EIF4E2: variants seen among roughly 807,000 people sequenced by gnomAD.
The protein encoded by EIF4E2 is eukaryotic translation initiation factor 4E type 2.
A neutral mutation model predicts 34.2 loss-of-function variants in EIF4E2; 13 were observed. The ratio of observed to expected loss-of-function variants is 0.38; its 90% CI spans 0.25 to 0.60. The LOEUF (loss-of-function observed/expected upper bound fraction) is 0.60, where lower values mean the gene tolerates loss of function less well. Among genes scored for constraint, EIF4E2 ranks in the 20% least tolerant of loss-of-function variants. The pLI, the probability that EIF4E2 is intolerant of heterozygous loss-of-function variation, is 0.62. For synonymous variants in EIF4E2, 100 were observed against 106.6 expected, an observed-to-expected ratio of 0.94 and a Z score of 0.38; for missense variants, 222 against 315.1, an observed-to-expected ratio of 0.70 and a Z score of 2.24.
At chr2:232,559,562 A>G (rs545594848) in intron 3 of EIF4E2, among the ~76,000 whole-genome samples, 1 of 152,214 alleles carries the variant, frequency 6.6e-6, no homozygotes, top group Non-Finnish European at 1.5e-5. Flanking sequence ...ATTTCCTTCC[A>G]ACATTATGAT....
chr2:232,557,744 C>G (rs1322103684), intron 2 of EIF4E2, 140 bp from the exon 3 acceptor site: 4 of 960,678 alleles, frequency 4.2e-6, no homozygotes, highest in African/African-American at 3.3e-5. Context: ...TAAGCAGAAT[C>G]TTTGGCACAT....
intron 3 of EIF4E2, among the ~76,000 whole-genome samples, chr2:232,559,568 A>G (rs1692648057): frequency 6.6e-6 from 1 of 152,196 alleles, no homozygotes; most frequent in African/African-American, 2.4e-5. Flanking sequence ...TTCCAACATT[A>G]TGATAGCCCT....
chr2:232,563,668 T>C (rs915663080), intron 3 of EIF4E2, among the ~76,000 whole-genome samples: 14 of 152,114 alleles, frequency 9.2e-5, no homozygotes, highest in Admixed American at 3.9e-4. Context: ...GTTGATTCTA[T>C]CACTTACGCT....
At chr2:232,556,962 G>A (rs1692544740) in intron 2 of EIF4E2, among the ~76,000 whole-genome samples, 2 of 152,098 alleles carry the variant, frequency 1.3e-5, no homozygotes, top group Non-Finnish European at 2.9e-5. Context: ...AAATATCAAA[G>A]CAGGCTGGGT....
downstream of EIF4E2, chr2:232,573,809 T>C: frequency 1.2e-5 from 4 of 336,762 alleles, no homozygotes; most frequent in South Asian, 9.5e-5. Context: ...TCTTTAGACA[T>C]CATAATGCTG....
At chr2:232,576,443 C>A (rs1693219838) in intron 6 of EIF4E2, among the ~76,000 whole-genome samples, 1 of 152,130 alleles carries the variant, frequency 6.6e-6, no homozygotes, top group African/African-American at 2.4e-5. Context: ...CTTTGAATTG[C>A]CGTAAAAAGT....
chr2:232,564,101 C>A (rs907378574), intron 3 of EIF4E2, 146 bp from the exon 4 acceptor site: 2 of 452,802 alleles, frequency 4.4e-6, no homozygotes, highest in Non-Finnish European at 4.0e-6. Context: ...CTCACAACAC[C>A]ACACATGAAA....
intron 4 of EIF4E2, among the ~76,000 whole-genome samples, chr2:232,564,748 G>A (rs1221281925): frequency 2.0e-5 from 3 of 152,368 alleles, no homozygotes; most frequent in Non-Finnish European, 4.4e-5. Flanking sequence ...ACCGTGCCCA[G>A]CTGGTTAAAA....
intron 6 of EIF4E2, among the ~76,000 whole-genome samples, chr2:232,578,473 A>T (rs1482263672): frequency 3.9e-5 from 6 of 152,116 alleles, no homozygotes; most frequent in African/African-American, 1.4e-4. Flanking sequence ...TCTACTAAAA[A>T]TACAAAAATT....
intron 3 of EIF4E2, among the ~76,000 whole-genome samples, chr2:232,559,386 G>A (rs1190436): frequency 0.3 from 44,096 of 148,274 alleles, 7,087 homozygotes; most frequent in Admixed American, 0.4. Flanking sequence ...TAACAATCAC[G>A]GTTTTCTCCA....
At chr2:232,572,473 C>T (rs1158520431), downstream of EIF4E2, among the ~76,000 whole-genome samples, 1 of 152,172 alleles carries the variant, frequency 6.6e-6, no homozygotes, top group Non-Finnish European at 1.5e-5. Flanking sequence ...TCAAGCGATT[C>T]TCTTGCCTCA....
chr2:232,563,151 C>G (rs898444331), intron 3 of EIF4E2, among the ~76,000 whole-genome samples: 2 of 152,288 alleles, frequency 1.3e-5, no homozygotes, highest in Non-Finnish European at 1.5e-5. Context: ...TAGCAGATAC[C>G]AGCTATTTCT....
Position 232,550,711 on chromosome 2 carries a change from G to T in EIF4E2, c.-14G>T, listed in dbSNP as rs1424661364. On this transcript the variant is annotated 5_prime_UTR_variant, in exon 1 of 7. Transcript: ENST00000258416. ...GTCACTCCCTGAGGCAGTGGCGACA[G>T]CGGCGGCGAGAGGATGAACAACAAG... 1 of 1,584,452 alleles carries T rather than the reference G, an allele frequency of 6.3e-7. No individual in the cohort carries two copies. Among genetic ancestry groups the T allele is most frequent in the Non-Finnish European group, 8.6e-7 (1 of 1,167,140 alleles).
intron 6 of EIF4E2, among the ~76,000 whole-genome samples, chr2:232,575,504 A>G (rs1323471272): frequency 1.3e-5 from 2 of 152,206 alleles, no homozygotes; most frequent in Admixed American, 6.5e-5. Context: ...GCACACGCCT[A>G]TTGTCCCAGC....
chr2:232,578,717 T>C (rs546270185), intron 6 of EIF4E2, among the ~76,000 whole-genome samples: 25 of 152,226 alleles, frequency 1.6e-4, no homozygotes, highest in African/African-American at 6.0e-4. Flanking sequence ...CCTAGTACAA[T>C]AGAGAAATTC....
chr2:232,566,477 A>G lies in EIF4E2; in HGVS notation c.376-352A>G, dbSNP rs972682139. 3.9e-5 allele frequency among the ~76,000 whole-genome samples: 6 copies of G among 152,254 alleles called. No individual in the cohort carries two copies. Among genetic ancestry groups the G allele is most frequent in the Admixed American group, 2.0e-4 (3 of 15,290 alleles). ...AGTGTTGGGATTACGGGCGTGAGCC[A>G]CTGCGCCCAGCAGACATTCAGTACT... is the stretch of plus-strand genomic sequence containing the variant. On this transcript the variant is annotated intron_variant, in intron 4 of 6. Transcript: ENST00000258416. The surrounding 1 kb of genome is among the most constrained non-coding windows in gnomAD (Gnocchi z 4.9).
intron 3 of EIF4E2, among the ~76,000 whole-genome samples, chr2:232,562,511 A>T (rs1385840571): frequency 6.6e-6 from 1 of 152,122 alleles, no homozygotes; most frequent in East Asian, 1.9e-4. Context: ...ACTTGAACCC[A>T]GAAGGCAGAG....
At chr2:232,563,395 T>C (rs201902735) in intron 3 of EIF4E2, among the ~76,000 whole-genome samples, 85 of 149,142 alleles carry the variant, frequency 5.7e-4, no homozygotes, top group South Asian at 4.9e-3. Flanking sequence ...TTTTTTTTTC[T>C]TTTTTTTTAA....
At position 232,566,066 on chromosome 2, in the gene EIF4E2, TGGGTGACAGCG is replaced by T. The variant is rs1220508291; in HGVS notation, c.376-760_376-750del. Among the ~76,000 whole-genome samples the T allele has an allele frequency of 6.7e-6, 1 of 149,390 alleles. No homozygotes were observed. The highest frequency in any genetic ancestry group is 2.5e-5 in the African/African-American group (1 of 40,478). On this transcript the variant is annotated intron_variant, in intron 4 of 6. Transcript: ENST00000258416. The surrounding 1 kb of genome is among the most constrained non-coding windows in gnomAD (Gnocchi z 4.9). Reference sequence around the variant, plus strand: ...GATATCGCACCACTGCACTCCAGACTGGGTGACAGCGGGAGACTCCATCGCAAAAAAGAAAA... The same window carrying T: ...GATATCGCACCACTGCACTCCAGACTGGAGACTCCATCGCAAAAAAGAAAA...
Sources: gnomAD v4.1 joint callset for allele counts (sites outside exome capture counted in the v4.1 genomes callset) on GRCh38, gnomAD v4.1.1 for gene constraint, Gnocchi (gnomAD v3.1) non-coding constraint, MANE v1.5 for transcripts, NCBI Gene and HGNC (gene_info 2026-07-23, HGNC 2026-07-21) for gene names.